RGS6: variants seen among roughly 807,000 people sequenced by gnomAD.
RGS6 encodes the protein regulator of G-protein signaling 6.
In RGS6, 30 loss-of-function variants were observed where a neutral mutation model predicts 78.5. That is an observed-to-expected ratio of 0.38 (90% confidence interval 0.29 to 0.52). RGS6 has a LOEUF of 0.52. RGS6 is among the 20% of genes least tolerant of loss of function. The probability of loss-of-function intolerance (pLI) is 0.85; values close to 1 mark genes in which losing one functional copy is unlikely to be tolerated. For missense variants in RGS6, 495 were observed against 609.7 expected (o/e 0.81, Z 1.98); for synonymous variants, 206 against 206.0 (o/e 1.00, Z 0.00).
intron 2 of RGS6, among the ~76,000 whole-genome samples, chr14:72,017,455 A>C (rs781659836): frequency 8.5e-5 from 13 of 152,098 alleles, no homozygotes; most frequent in Non-Finnish European, 1.6e-4. Flanking sequence ...TTGGACTTTC[A>C]TGATATCACC....
At chr14:72,108,868 G>T (rs750119446) in intron 2 of RGS6, among the ~76,000 whole-genome samples, 2 of 152,010 alleles carry the variant, frequency 1.3e-5, no homozygotes, top group Non-Finnish European at 2.9e-5. Context: ...TTTGGAGCCA[G>T]TTTTCTTGGT....
chr14:72,129,886 CG>C (rs2153587552), intron 2 of RGS6, among the ~76,000 whole-genome samples: 1 of 152,268 alleles, frequency 6.6e-6, no homozygotes, highest in South Asian at 2.1e-4. Flanking sequence ...GTTTTCCCAT[CG>C]ATAACTGGTA....
chr14:72,284,555 T>C (rs763116827), intron 2 of RGS6, among the ~76,000 whole-genome samples: 2 of 152,178 alleles, frequency 1.3e-5, no homozygotes, highest in Non-Finnish European at 2.9e-5. Context: ...TTTCAGAGGA[T>C]ATATGGAAAC....
chr14:72,523,158 C>T (rs749708138), intron 15 of RGS6, among the ~76,000 whole-genome samples: 33 of 152,186 alleles, frequency 2.2e-4, no homozygotes, highest in Non-Finnish European at 2.5e-4. Flanking sequence ...AGGACTTGCA[C>T]TCAGATGTCC....
At chr14:72,248,219 T>C (rs2054718857) in intron 2 of RGS6, among the ~76,000 whole-genome samples, 1 of 152,166 alleles carries the variant, frequency 6.6e-6, no homozygotes, top group Non-Finnish European at 1.5e-5. Context: ...TGTCAAGGCA[T>C]TTTCCAGATA....
the RGS6 span, among the ~76,000 whole-genome samples, chr14:72,609,045 C>G: frequency 2.0e-5 from 3 of 152,162 alleles, no homozygotes; most frequent in Non-Finnish European, 4.4e-5. Flanking sequence ...AGTTTTAAAG[C>G]CTTTTATTTG....
intron 17 of RGS6, chr14:72,541,744 C>A: frequency 9.5e-7 from 1 of 1,057,154 alleles, no homozygotes; most frequent in Non-Finnish European, 1.3e-6. Context: ...TTGACAGCCC[C>A]CGGAAGCTCT....
At chr14:72,470,160 C>G in intron 8 of RGS6, 77 bp downstream of exon 8, 1 of 1,094,358 alleles carries the variant, frequency 9.1e-7, no homozygotes, top group Non-Finnish European at 1.4e-6. Context: ...GTGGGATTGT[C>G]AAAGTGAAGT....
At position 72,134,355 on chromosome 14, in the gene RGS6, T is replaced by C. The variant is rs138578185; in HGVS notation, c.84+169480T>C. On this transcript the variant is annotated intron_variant, in intron 2 of 17. Coordinates refer to ENST00000553525, the MANE Select transcript of RGS6 (RefSeq NM_001204424.2). The stretch of plus-strand genomic sequence containing the variant: ...AATGCTCCATTAATTAGGAATGATG[T>C]TGACCATTCTTTCTTCTAAAGTCTG... 1.4e-3 allele frequency among the ~76,000 whole-genome samples: 206 copies of C among 152,366 alleles called. 1 individual carries two copies. Among genetic ancestry groups the C allele is most frequent in the Non-Finnish European group, 2.2e-3 (149 of 68,034 alleles).
At chr14:71,941,939 T>G (rs965019742) in intron 1 of RGS6, among the ~76,000 whole-genome samples, 3 of 152,160 alleles carry the variant, frequency 2.0e-5, no homozygotes, top group African/African-American at 7.2e-5. Flanking sequence ...AGTAAGCTCC[T>G]TACAGGCCAA....
At chr14:72,326,562 C>T (rs1487880445) in intron 2 of RGS6, among the ~76,000 whole-genome samples, 1 of 152,122 alleles carries the variant, frequency 6.6e-6, no homozygotes, top group Non-Finnish European at 1.5e-5. Flanking sequence ...CATGAAATAC[C>T]TGCTACCCGT....
At chr14:72,349,643 AGTGATGTACCTCTTAGTAAATT>A (rs2152727361) in intron 2 of RGS6, among the ~76,000 whole-genome samples, 1 of 152,256 alleles carries the variant, frequency 6.6e-6, no homozygotes, top group East Asian at 1.9e-4. Context: ...ACCCCTGATG[AGTGATGTACCTCTTAGTAAATT>A]GTGGGCAAAC....
the RGS6 span, among the ~76,000 whole-genome samples, chr14:72,595,836 C>T: frequency 6.6e-6 from 1 of 152,300 alleles, no homozygotes; most frequent in Admixed American, 6.5e-5. Flanking sequence ...GTTGCAAACC[C>T]CTATGGTCTA....
chr14:72,068,153 A>G, intron 2 of RGS6, among the ~76,000 whole-genome samples: 1 of 61,200 alleles, frequency 1.6e-5, no homozygotes, highest in African/African-American at 5.7e-5. Flanking sequence ...TTTTTTTTTG[A>G]GACAAGATCT....
intron 2 of RGS6, among the ~76,000 whole-genome samples, chr14:72,036,263 C>CTGTTTTGTTT (rs200837014): frequency 1.8e-3 from 263 of 143,484 alleles, no homozygotes; most frequent in East Asian, 2.9e-3. Flanking sequence ...TGAACATAAC[C>CTGTTTTGTTT]CGTTTTGTTT....
intron 3 of RGS6, among the ~76,000 whole-genome samples, chr14:72,385,532 T>A (rs74060785): frequency 0.016 from 2,495 of 152,226 alleles, 73 homozygotes; most frequent in African/African-American, 0.056. Context: ...GGTGAATCAG[T>A]TCTGAATGCC....
In RGS6 at chr14:72,242,880, G is replaced by A. The variant is rs368701906; in HGVS notation, c.85-109215G>A. Among the ~76,000 whole-genome samples the A allele has an allele frequency of 1.2e-4, 13 of 109,398 alleles. No individual in the cohort carries two copies. In the East Asian group the frequency reaches 1.2e-3, roughly 10 times the overall value. 71.8% of individuals were successfully genotyped at this position (109,398 alleles called of 152,430 possible). On this transcript the variant is annotated intron_variant, in intron 2 of 17. Transcript: ENST00000553525. ...TTTTTTTTTTTTGAGATGGAGTCTC[G>A]CTCTGTCATCCAGGCTGGAGTGCAG...
chr14:72,526,818 A>C (rs1057020565), intron 15 of RGS6, among the ~76,000 whole-genome samples: 2 of 152,206 alleles, frequency 1.3e-5, no homozygotes, highest in African/African-American at 4.8e-5. Flanking sequence ...TGCCTCTTCT[A>C]TGTTTGTTAA....
chr14:71,991,899 T>G (rs544802860), intron 2 of RGS6, among the ~76,000 whole-genome samples: 31 of 152,348 alleles, frequency 2.0e-4, no homozygotes, highest in Admixed American at 1.6e-3. Flanking sequence ...TGCAGAAGCA[T>G]TCACAGAAAG....
Sources: allele counts gnomAD v4.1 joint callset (sites outside exome capture counted in the v4.1 genomes callset), GRCh38; gene constraint gnomAD v4.1.1; transcripts MANE v1.5; gene names NCBI Gene and HGNC (gene_info 2026-07-23, HGNC 2026-07-21).